The following AUTS2 variants were observed in gnomAD, a reference collection of about 807,000 sequenced individuals.
AUTS2 encodes the protein activator of transcription and developmental regulator AUTS2.
A neutral mutation model predicts 112.4 loss-of-function variants in AUTS2; 17 were observed. That is an observed-to-expected ratio of 0.15 (90% CI 0.10 to 0.23). The LOEUF (loss-of-function observed/expected upper bound fraction) is 0.23. Among genes scored for constraint, AUTS2 ranks in the 10% least tolerant of loss-of-function variants. The pLI is 1.00. For missense variants in AUTS2, 1,510 were observed against 1,701.6 expected (o/e 0.89, Z 1.98); for synonymous variants, 751 against 702.7 (o/e 1.07, Z -1.09).
At chr7:70,443,210 T>C (rs1796191394) in intron 5 of AUTS2, among the ~76,000 whole-genome samples, 1 of 152,202 alleles carries the variant, frequency 6.6e-6, no homozygotes, top group Non-Finnish European at 1.5e-5. Context: ...CATTTTCAGC[T>C]AAGGTTTTGT....
At chr7:69,889,225 T>C (rs780252763) in intron 1 of AUTS2, among the ~76,000 whole-genome samples, 1 of 152,216 alleles carries the variant, frequency 6.6e-6, no homozygotes, top group Non-Finnish European at 1.5e-5. Context: ...ATAAACAGGT[T>C]ACTGTGTGTC....
chr7:70,526,927 C>T (rs1351346867), intron 5 of AUTS2, among the ~76,000 whole-genome samples: 1 of 152,228 alleles, frequency 6.6e-6, no homozygotes, highest in Admixed American at 6.5e-5. Context: ...ACAGGCTGCA[C>T]TCACTGAATG....
intron 6 of AUTS2, among the ~76,000 whole-genome samples, chr7:70,700,573 C>T (rs868274511): frequency 6.6e-6 from 1 of 151,762 alleles, no homozygotes; most frequent in African/African-American, 2.4e-5. Context: ...TCCCGCACCC[C>T]CTTTCCTCCC....
chr7:70,579,434 C>A (rs1802337245), intron 5 of AUTS2, among the ~76,000 whole-genome samples: 1 of 151,770 alleles, frequency 6.6e-6, no homozygotes, highest in African/African-American at 2.4e-5. Flanking sequence ...CAATGGGATT[C>A]TTTTTTCTAA....
intron 5 of AUTS2, among the ~76,000 whole-genome samples, chr7:70,440,054 A>G (rs190858062): frequency 3.9e-4 from 60 of 152,118 alleles, no homozygotes; most frequent in Admixed American, 2.2e-3. Flanking sequence ...GGGGGTGACA[A>G]CAGCTCTACA....
At chr7:69,886,287 C>T (rs1014666492) in intron 1 of AUTS2, among the ~76,000 whole-genome samples, 2 of 152,202 alleles carry the variant, frequency 1.3e-5, no homozygotes, top group African/African-American at 4.8e-5. Context: ...GGAATGCCTG[C>T]ACATCTTCAA....
chr7:69,772,754 G>C (rs1788721303), intron 1 of AUTS2, among the ~76,000 whole-genome samples: 1 of 152,086 alleles, frequency 6.6e-6, no homozygotes, highest in African/African-American at 2.4e-5. Context: ...GTCTTAAAGT[G>C]GAAATAACTT....
intron 1 of AUTS2, among the ~76,000 whole-genome samples, chr7:69,671,517 GTGTGTGTC>G (rs1191974596): frequency 1.4e-5 from 2 of 143,566 alleles, no homozygotes; most frequent in Non-Finnish European, 3.1e-5. Context: ...GTGTGTGTGT[GTGTGTGTC>G]TGTGTGTGTG....
intron 2 of AUTS2, among the ~76,000 whole-genome samples, chr7:69,900,059 T>A (rs941649074): frequency 6.6e-6 from 1 of 152,248 alleles, no homozygotes; most frequent in Non-Finnish European, 1.5e-5. Context: ...ATCTGTTGAT[T>A]GTATGAACGT....
intron 5 of AUTS2, among the ~76,000 whole-genome samples, chr7:70,574,285 A>G (rs1292303579): frequency 6.6e-6 from 1 of 152,192 alleles, no homozygotes; most frequent in African/African-American, 2.4e-5. Flanking sequence ...CTTTTTTAAA[A>G]AAAGCATTTC....
At chr7:70,076,262 G>T (rs1285403608) in intron 2 of AUTS2, among the ~76,000 whole-genome samples, 5 of 152,110 alleles carry the variant, frequency 3.3e-5, no homozygotes, top group Non-Finnish European at 7.3e-5. Flanking sequence ...TCTTCATAAA[G>T]GACATGGAAA....
intron 1 of AUTS2, among the ~76,000 whole-genome samples, chr7:69,639,446 TC>T (rs1794703753): frequency 6.6e-6 from 1 of 152,188 alleles, no homozygotes; most frequent in Non-Finnish European, 1.5e-5. Flanking sequence ...TCTACTCCAA[TC>T]TTTTATTTTG....
chr7:70,764,235 C>G (rs955263671), intron 7 of AUTS2, among the ~76,000 whole-genome samples: 1 of 152,202 alleles, frequency 6.6e-6, no homozygotes, highest in Admixed American at 6.5e-5. Flanking sequence ...CTTCTGCCCC[C>G]TCGGCCGTTT....
intron 4 of AUTS2, among the ~76,000 whole-genome samples, chr7:70,177,811 C>T (rs1347123021): frequency 6.7e-6 from 1 of 148,794 alleles, no homozygotes; most frequent in African/African-American, 2.5e-5. Flanking sequence ...GTCTGTTCTG[C>T]ATTCTCATTG....
At chr7:70,070,639 G>A (rs1459778154) in intron 2 of AUTS2, among the ~76,000 whole-genome samples, 2 of 152,166 alleles carry the variant, frequency 1.3e-5, no homozygotes, top group Non-Finnish European at 2.9e-5. Flanking sequence ...GCTGAGGAGG[G>A]TGGATCATGA....
chr7:70,203,419 G>T (rs1190464442), intron 4 of AUTS2, among the ~76,000 whole-genome samples: 1 of 149,748 alleles, frequency 6.7e-6, no homozygotes, highest in Non-Finnish European at 1.5e-5. Context: ...TCATTAACGT[G>T]TTGAATGCCT....
At chr7:70,036,666 A>G (rs1223273048) in intron 2 of AUTS2, among the ~76,000 whole-genome samples, 1 of 152,220 alleles carries the variant, frequency 6.6e-6, no homozygotes, top group Non-Finnish European at 1.5e-5. Context: ...ACCTTCAGAT[A>G]GCAGATGTGC....
intron 2 of AUTS2, among the ~76,000 whole-genome samples, chr7:70,044,103 A>G (rs1200804890): frequency 6.6e-6 from 1 of 152,046 alleles, no homozygotes; most frequent in Non-Finnish European, 1.5e-5. Context: ...TCTCATGCCC[A>G]TCCACAGGCC....
In AUTS2 at chr7:69,994,053, T is replaced by C. The variant is rs558771727; in HGVS notation, c.522+94555T>C. Among the ~76,000 whole-genome samples the C allele has an allele frequency of 1.5e-4, 23 of 152,000 alleles. No individual in the cohort carries two copies. The South Asian group carries it at 2.1e-3, about 14-fold the overall frequency. ...ACATGGCCGTGTGGAGCTTCAGATA[T>C]AAGAAAAGAATTAAGAGATATGTAT... On this transcript the variant is annotated intron_variant, in intron 2 of 18. Coordinates refer to ENST00000342771, the MANE Select transcript of AUTS2 (RefSeq NM_015570.4).
Sources: allele counts gnomAD v4.1 joint callset (sites outside exome capture counted in the v4.1 genomes callset), GRCh38; gene constraint gnomAD v4.1.1; transcripts MANE v1.5; gene names NCBI Gene and HGNC (gene_info 2026-07-23, HGNC 2026-07-21).